The following MAN2B1 variants were observed in gnomAD, a reference collection of about 807,000 sequenced individuals.
MAN2B1 encodes the protein lysosomal alpha-mannosidase.
In MAN2B1, 99 loss-of-function variants were observed where a neutral mutation model predicts 127.5. The ratio of observed to expected loss-of-function variants is 0.78; its 90% CI spans 0.66 to 0.92. The LOEUF (loss-of-function observed/expected upper bound fraction) is 0.92, where lower values mean the gene tolerates loss of function less well. Among genes scored for constraint, MAN2B1 ranks in the 40% least tolerant of loss-of-function variants. MAN2B1 has a pLI of 0.00. For missense variants in MAN2B1, 1,304 were observed against 1,384.8 expected (o/e 0.94, Z 0.93); for synonymous variants, 573 against 568.8 (o/e 1.01, Z -0.11).
At position 12,664,918 on chromosome 19, in the gene MAN2B1, G is replaced by A. The variant is rs769374044; in HGVS notation, c.504C>T (p.Ile168=). The change falls in exon 4 of 24, where the codon ATC becomes ATT. Residue 168 remains isoleucine (I), a synonymous_variant. Coordinates refer to ENST00000456935, the MANE Select transcript of MAN2B1 (RefSeq NM_000528.4). The part of the protein sequence containing the change: ...NDEAATHYGA[I]VDQMTLGLRF... Reference sequence around the variant, plus strand: ...GCAGCCCAAGTGTCATCTGGTCCACGATGGCACCGTAGTGGGTGGCTGCCT... The same window carrying A: ...GCAGCCCAAGTGTCATCTGGTCCACAATGGCACCGTAGTGGGTGGCTGCCT... 1.2e-6 allele frequency: 2 copies of A among 1,614,180 alleles called. No homozygotes were observed. Among genetic ancestry groups the A allele is most frequent in the Non-Finnish European group, 1.7e-6 (2 of 1,180,026 alleles).
At chr19:12,665,074 G>C in intron 3 of MAN2B1, 89 bp from the exon 4 acceptor site, 2 of 1,282,220 alleles carry the variant, frequency 1.6e-6, no homozygotes, top group East Asian at 4.6e-5. Flanking sequence ...AAGCCTGCCT[G>C]TGTACACATT....
chr19:12,663,370 C>A lies in MAN2B1; in HGVS notation c.856G>T (p.Glu286Ter). 1 of 1,614,098 alleles carries A rather than the reference C, an allele frequency of 6.2e-7. No homozygotes were observed. The highest frequency in any genetic ancestry group is 8.5e-7 in the Non-Finnish European group (1 of 1,179,990). ...TCGACCAGCTCCTTGGCGTTGTACTCGGGGCTGCGAGGGTCCTCCACCAGC... is the reference window on the plus strand; with the variant it reads ...TCGACCAGCTCCTTGGCGTTGTACTAGGGGCTGCGAGGGTCCTCCACCAGC... ...QPLVEDPRSP[E>*]YNAKELVDYF... The change falls in exon 6 of 24, where the codon GAG becomes TAG. Residue 286 changes from glutamate to a stop codon, truncating the protein, a stop_gained. Transcript: ENST00000456935. LOFTEE classifies it high-confidence loss of function.
intron 14 of MAN2B1, among the ~76,000 whole-genome samples, chr19:12,652,892 G>A (rs949196674): frequency 9.3e-5 from 14 of 149,854 alleles, no homozygotes; most frequent in Non-Finnish European, 1.5e-4. Context: ...TGGAGTGCAG[G>A]GGCGCAATCT....
chr19:12,657,335 G>C, intron 11 of MAN2B1, 111 bp downstream of exon 11: 1 of 625,430 alleles, frequency 1.6e-6, no homozygotes, highest in South Asian at 2.5e-5. Flanking sequence ...TTGTAGCCCC[G>C]CCACAGGGCT....
chr19:12,656,548 G>A, intron 13 of MAN2B1, 23 bp downstream of exon 13: 2 of 1,553,222 alleles, frequency 1.3e-6, no homozygotes, highest in Non-Finnish European at 1.8e-6. Context: ...CCCAGCGGGG[G>A]AATATTCGTT....
At position 12,648,361 on chromosome 19, in the gene MAN2B1, C is replaced by T. The variant is rs958869615; in HGVS notation, c.2478G>A (p.Ser826=). The T allele has an allele frequency of 6.2e-6, 10 of 1,613,390 alleles. No individual in the cohort carries two copies. Among genetic ancestry groups the T allele is most frequent in the Non-Finnish European group, 8.5e-6 (10 of 1,179,674 alleles). The stretch of plus-strand genomic sequence containing the variant: ...CCGACCCGTTCTCCATTAGTGGCTC[C>T]GATACTCCGCGTCCATCGTCCTTCA... ...RLLKDDGRGV[S]EPLMENGSGA... Residue 826 remains serine, a synonymous_variant, in exon 21 of 24, where the codon TCG becomes TCA. Coordinates refer to ENST00000456935, the MANE Select transcript of MAN2B1 (RefSeq NM_000528.4).
chr19:12,652,620 C>A (rs1339364003), intron 14 of MAN2B1, among the ~76,000 whole-genome samples, 160 bp from the exon 15 acceptor site: 2 of 151,588 alleles, frequency 1.3e-5, no homozygotes, highest in Admixed American at 6.6e-5. Flanking sequence ...CACCCCCCAC[C>A]TCCCGGGTTC....
Position 12,656,651 on chromosome 19 carries a change from C to G in MAN2B1, c.1564G>C (p.Val522Leu), listed in dbSNP as rs1211189249. ...ACCGGCAGCCGTACCATCCAATTCACCTTCCGCCCCAGGGGATTATAAACG... is the reference window on the plus strand; with the variant it reads ...ACCGGCAGCCGTACCATCCAATTCAGCTTCCGCCCCAGGGGATTATAAACG... ...VIVYNPLGRK[V>L]NWMVRLPVSE... Residue 522 changes from valine (V) to leucine (L), a missense_variant, in exon 13 of 24, where the codon GTG (valine) becomes CTG (leucine). Transcript: ENST00000456935. The G allele has an allele frequency of 6.2e-7, 1 of 1,613,886 alleles. No homozygotes were observed. The highest frequency in any genetic ancestry group is 1.3e-5 in the African/African-American group (1 of 74,884).
intron 14 of MAN2B1, among the ~76,000 whole-genome samples, chr19:12,653,144 GTTT>G (rs74180093): frequency 1.7e-5 from 2 of 115,382 alleles, no homozygotes; most frequent in Non-Finnish European, 1.8e-5. Context: ...TGGGTTTTTT[GTTT>G]TTTTTTTTTT....
intron 14 of MAN2B1, among the ~76,000 whole-genome samples, chr19:12,653,184 C>T (rs1013414420): frequency 6.7e-6 from 1 of 149,470 alleles, no homozygotes; most frequent in Non-Finnish European, 1.5e-5. Flanking sequence ...GCTCTATCGC[C>T]CAGGCTGGAG....
chr19:12,653,802 T>C (rs2023896250), intron 14 of MAN2B1, among the ~76,000 whole-genome samples: 1 of 151,838 alleles, frequency 6.6e-6, no homozygotes, highest in African/African-American at 2.4e-5. Context: ...CACTGCAACC[T>C]CCACCTCCTG....
chr19:12,664,742 G>A (rs763313458), intron 4 of MAN2B1, 50 bp downstream of exon 4: 2 of 1,570,708 alleles, frequency 1.3e-6, no homozygotes, highest in Admixed American at 1.7e-5. Flanking sequence ...GGGCGAGGGA[G>A]GAGCCAGAGT....
intron 7 of MAN2B1, 110 bp from the exon 8 acceptor site, chr19:12,658,620 AATAC>A: frequency 9.8e-7 from 1 of 1,018,342 alleles, no homozygotes; most frequent in South Asian, 1.4e-5. Flanking sequence ...AGTTTCTCTA[AATAC>A]ATATTTGGCG....
At chr19:12,659,015 C>CCCGGCTA (rs1568304852) in intron 7 of MAN2B1, 1 of 199,496 alleles carries the variant, frequency 5.0e-6, no homozygotes, top group East Asian at 1.3e-4. Flanking sequence ...CGCCACCACA[C>CCCGGCTA]CCGGCTAATT....
chr19:12,657,607 C>T, intron 10 of MAN2B1, 52 bp from the exon 11 acceptor site: 1 of 1,476,172 alleles, frequency 6.8e-7, no homozygotes, highest in Non-Finnish European at 9.3e-7. Flanking sequence ...AGCTGAGACC[C>T]CAAGGGGAAG....
intron 6 of MAN2B1, among the ~76,000 whole-genome samples, 164 bp downstream of exon 6, chr19:12,663,153 G>A (rs549209673): frequency 5.3e-5 from 8 of 152,012 alleles, no homozygotes; most frequent in African/African-American, 1.4e-4. Context: ...GGCAGAGGTT[G>A]CAGTGAGCCG....
chr19:12,664,133 G>C (rs2024172665), intron 4 of MAN2B1, among the ~76,000 whole-genome samples: 1 of 152,208 alleles, frequency 6.6e-6, no homozygotes, highest in Non-Finnish European at 1.5e-5. Flanking sequence ...GGCTGAGACA[G>C]GAGAATCGCT....
intron 23 of MAN2B1, 134 bp from the exon 24 acceptor site, chr19:12,646,866 CTT>C (rs1462551104): frequency 4.4e-6 from 3 of 677,358 alleles, no homozygotes; most frequent in East Asian, 2.7e-5. Context: ...ATCCCAGACT[CTT>C]AACCTGCTTC....
At position 12,647,589 on chromosome 19, in the gene MAN2B1, GC is replaced by G; in HGVS notation, c.2673del (p.Leu892CysfsTer32). 1 of 1,613,266 alleles carries G rather than the reference GC, an allele frequency of 6.2e-7. No individual in the cohort carries two copies. Among genetic ancestry groups the G allele is most frequent in the Non-Finnish European group, 8.5e-7 (1 of 1,179,516 alleles). On this transcript the variant is annotated frameshift_variant, in exon 22 of 24. Transcript: ENST00000456935. LOFTEE classifies it high-confidence loss of function. This position sits in a 1 kb window ranked among gnomAD's most constrained non-coding sequence, Gnocchi z 4.9. ...LGAPPRTQFSGLRRDLPPSVH... is the reference protein window; with the variant it reads ...LGAPPRTQFSXLRRDLPPSVH... ...ACCGAGGGCGGCAGGTCCCTGCGCA[GC>G]CCTGAGAACTGCGGGAGAGAGGGCG... is the stretch of plus-strand genomic sequence containing the variant.
Sources: allele counts gnomAD v4.1 joint callset (sites outside exome capture counted in the v4.1 genomes callset), GRCh38; gene constraint gnomAD v4.1.1; non-coding constraint Gnocchi (gnomAD v3.1); transcripts MANE v1.5; gene names NCBI Gene and HGNC (gene_info 2026-07-23, HGNC 2026-07-21).